The following KALRN variants were observed in gnomAD, a reference collection of about 807,000 sequenced individuals.
KALRN encodes the protein kalirin RhoGEF kinase.
KALRN carries 70 observed loss-of-function variants against 353.7 expected under a neutral mutation model. The ratio of observed to expected loss-of-function variants is 0.20; its 90% CI spans 0.16 to 0.24. The LOEUF (loss-of-function observed/expected upper bound fraction) is 0.24, where lower values mean the gene tolerates loss of function less well. Ranked by LOEUF, KALRN falls within the 10% of genes least tolerant of loss-of-function variation. KALRN has a pLI of 1.00. For synonymous variants in KALRN, 1,391 were observed against 1,434.8 expected, an observed-to-expected ratio of 0.97 and a Z score of 0.69; for missense variants, 2,791 against 3,756.7, an observed-to-expected ratio of 0.74 and a Z score of 6.72.
chr3:124,584,666 C>A (rs1039600982), intron 34 of KALRN: 345 of 1,415,572 alleles, frequency 2.4e-4, no homozygotes, highest in Middle Eastern at 5.2e-4. Flanking sequence ...GCAGTGGCTC[C>A]CAGTAAGTCA....
chr3:124,554,351 C>G (rs1173540581), intron 33 of KALRN, among the ~76,000 whole-genome samples: 1 of 152,158 alleles, frequency 6.6e-6, no homozygotes, highest in Admixed American at 6.5e-5. Context: ...TCAAAGGAAG[C>G]CAGCAGCACA....
At chr3:124,642,493 T>C (rs1355310767) in intron 37 of KALRN, among the ~76,000 whole-genome samples, 1 of 152,098 alleles carries the variant, frequency 6.6e-6, no homozygotes, top group African/African-American at 2.4e-5. Flanking sequence ...CCTGGCACCC[T>C]GAGAATGTGC....
chr3:124,232,172 G>A (rs2079237186), intron 2 of KALRN, among the ~76,000 whole-genome samples: 1 of 152,122 alleles, frequency 6.6e-6, no homozygotes, highest in Admixed American at 6.5e-5. Flanking sequence ...TGGTGCATTA[G>A]CTCCACTCTG....
chr3:124,189,081 G>T (rs909995654), intron 1 of KALRN, among the ~76,000 whole-genome samples: 10 of 152,126 alleles, frequency 6.6e-5, no homozygotes, highest in Admixed American at 2.6e-4. Flanking sequence ...TGTCTTCCAA[G>T]TCTGTTCACT....
chr3:124,413,656 C>G lies in KALRN; in HGVS notation c.2533C>G (p.Gln845Glu). 6.2e-7 allele frequency: 1 copy of G among 1,613,354 alleles called. No individual in the cohort carries two copies. The highest frequency in any genetic ancestry group is 8.5e-7 in the Non-Finnish European group (1 of 1,179,548). The change falls in exon 14 of 60, where the codon CAG (glutamine) becomes GAG (glutamate). Residue 845 changes from glutamine to glutamate, a missense_variant. Coordinates refer to ENST00000682506, the MANE Select transcript of KALRN (RefSeq NM_001388419.1). Reference sequence around the variant, plus strand: ...TCTGCACCAGTACATCACGGAGGTCCAGGCATCAGGTGGGTGACCTCGCTC... The same window carrying G: ...TCTGCACCAGTACATCACGGAGGTCGAGGCATCAGGTGGGTGACCTCGCTC... ...QDLHQYITEV[Q>E]ASGIELICEK...
At chr3:124,319,879 A>G (rs2079148621) in intron 6 of KALRN, among the ~76,000 whole-genome samples, 1 of 152,026 alleles carries the variant, frequency 6.6e-6, no homozygotes, top group Non-Finnish European at 1.5e-5. Context: ...CTGTAATCGC[A>G]GCTACTCAGG....
intron 34 of KALRN, among the ~76,000 whole-genome samples, chr3:124,602,885 A>T (rs987742862): frequency 6.6e-6 from 1 of 152,116 alleles, no homozygotes; most frequent in Non-Finnish European, 1.5e-5. Flanking sequence ...TTGTGTGTTC[A>T]GTCCTGGTTT....
chr3:124,056,276 T>C (rs2149183038), intron 1 of KALRN, among the ~76,000 whole-genome samples: 1 of 152,262 alleles, frequency 6.6e-6, no homozygotes, highest in African/African-American at 2.4e-5. Context: ...GAGAGGAATC[T>C]CCCAAAATTT....
At chr3:124,242,028 T>A (rs1414895152) in intron 3 of KALRN, among the ~76,000 whole-genome samples, 1 of 152,162 alleles carries the variant, frequency 6.6e-6, no homozygotes, top group Non-Finnish European at 1.5e-5. Flanking sequence ...GAGAGGCATG[T>A]AGAATTCTGT....
At chr3:124,459,846 C>A (rs1577104284) in intron 23 of KALRN, among the ~76,000 whole-genome samples, 1 of 152,276 alleles carries the variant, frequency 6.6e-6, no homozygotes, top group African/African-American at 2.4e-5. Context: ...ACTAAAGCTG[C>A]TGTGTGAATC....
At chr3:124,090,741 G>A (rs186500836) in intron 1 of KALRN, among the ~76,000 whole-genome samples, 106 of 152,326 alleles carry the variant, frequency 7.0e-4, no homozygotes, top group African/African-American at 2.4e-3. Context: ...GGACTGAAGC[G>A]GATGGATCAC....
chr3:124,483,802 T>C (rs1297966078), intron 28 of KALRN, among the ~76,000 whole-genome samples: 2 of 152,240 alleles, frequency 1.3e-5, no homozygotes, highest in African/African-American at 4.8e-5. Context: ...CTTCAAAATC[T>C]TATCTTTAAA....
chr3:124,269,925 A>G (rs1354888728), intron 5 of KALRN, among the ~76,000 whole-genome samples: 1 of 152,162 alleles, frequency 6.6e-6, no homozygotes, highest in Non-Finnish European at 1.5e-5. Context: ...CTTGTTTCCA[A>G]AGGTTTCTCT....
intron 13 of KALRN, among the ~76,000 whole-genome samples, chr3:124,407,994 C>T (rs534135577): frequency 2.0e-5 from 3 of 152,130 alleles, no homozygotes; most frequent in East Asian, 1.9e-4. Flanking sequence ...AGGATGGGCT[C>T]GATCTCCTGA....
chr3:124,396,440 T>C (rs901607829), intron 12 of KALRN, among the ~76,000 whole-genome samples: 5 of 152,308 alleles, frequency 3.3e-5, no homozygotes, highest in Admixed American at 3.3e-4. Context: ...CTAATTATCT[T>C]CATGAATATA....
intron 18 of KALRN, among the ~76,000 whole-genome samples, chr3:124,439,585 A>G (rs1419555662): frequency 6.6e-6 from 1 of 152,262 alleles, no homozygotes; most frequent in Non-Finnish European, 1.5e-5. Flanking sequence ...TGGAAGATGC[A>G]AAAATTAGGG....
rs184673794 is a variant in KALRN, at chr3:124,296,327, T to C, written c.970-2464T>C. ...AGGCAGCATCTGTGGTGGTACTTTT[T>C]ATTACCAGGACTCAGGTGCCATGCC... On this transcript the variant is annotated intron_variant, in intron 5 of 59. Coordinates refer to ENST00000682506, the MANE Select transcript of KALRN (RefSeq NM_001388419.1). Among the ~76,000 whole-genome samples, 74 of 152,252 alleles carry C rather than the reference T, an allele frequency of 4.9e-4. No individual in the cohort carries two copies. In the East Asian group the frequency reaches 0.012, roughly 24 times the overall value.
chr3:124,642,188 G>A (rs925323735), intron 37 of KALRN, among the ~76,000 whole-genome samples: 1 of 152,152 alleles, frequency 6.6e-6, no homozygotes, highest in African/African-American at 2.4e-5. Flanking sequence ...GGAGGCTGAG[G>A]CATAAGAATC....
At chr3:124,046,669 G>C (rs2040503403) in intron 1 of KALRN, among the ~76,000 whole-genome samples, 1 of 152,170 alleles carries the variant, frequency 6.6e-6, no homozygotes, top group Non-Finnish European at 1.5e-5. Context: ...GAGATGTCTA[G>C]GGTGAGGATG....
Sources: allele counts gnomAD v4.1 joint callset (sites outside exome capture counted in the v4.1 genomes callset), GRCh38; gene constraint gnomAD v4.1.1; transcripts MANE v1.5; gene names NCBI Gene and HGNC (gene_info 2026-07-23, HGNC 2026-07-21).